The following STAB1 variants were observed in gnomAD, a reference collection of about 807,000 sequenced individuals.
STAB1 encodes the protein stabilin-1.
STAB1 carries 250 observed loss-of-function variants against 332.4 expected under a neutral mutation model. That is an observed-to-expected ratio of 0.75 (90% CI 0.68 to 0.84). The LOEUF is 0.84. Ranked by LOEUF, STAB1 falls within the 40% of genes least tolerant of loss-of-function variation. STAB1 has a pLI of 0.00. For synonymous variants in STAB1, 1,475 were observed against 1,390.4 expected (o/e 1.06, Z -1.35); for missense variants, 3,249 against 3,489.7 (o/e 0.93, Z 1.74).
intron 53 of STAB1, 21 bp downstream of exon 53, chr3:52,520,570 A>T (rs771129113): frequency 1.2e-6 from 2 of 1,610,710 alleles, no homozygotes; most frequent in East Asian, 4.5e-5. Flanking sequence ...CCAGAGGCAG[A>T]CGGGCAGAAG....
chr3:52,497,665 G>A (rs67749743), intron 1 of STAB1, among the ~76,000 whole-genome samples: 11,711 of 149,252 alleles, frequency 0.078, 554 homozygotes, highest in African/African-American at 0.12. Flanking sequence ...TACCCTCTTC[G>A]GCCTCCCAAA....
At chr3:52,521,227 C>A in intron 55 of STAB1, 134 bp from the exon 56 acceptor site, 1 of 1,326,476 alleles carries the variant, frequency 7.5e-7, no homozygotes, top group South Asian at 1.3e-5. Context: ...TTCTCCAGGA[C>A]ATGGGCCTGG....
At position 52,522,098 on chromosome 3, in the gene STAB1, A is replaced by G. The variant is rs2079092545; in HGVS notation, c.6333A>G (p.Val2111=). ...GCSEHANCSQ[V]GTMVTCTCLP... ...GTGAGCACGCCAACTGTAGCCAGGT[A>G]GGAACAATGGTCACTTGTACCTGCC... Residue 2111 remains valine (V), a synonymous_variant, in exon 59 of 69, where the codon GTA becomes GTG. Coordinates refer to ENST00000321725, the MANE Select transcript of STAB1 (RefSeq NM_015136.3). 1 of 1,613,140 alleles carries G rather than the reference A, an allele frequency of 6.2e-7. No individual in the cohort carries two copies. The highest frequency in any genetic ancestry group is 8.5e-7 in the Non-Finnish European group (1 of 1,179,998).
At chr3:52,498,718 C>T (rs778482162) in intron 1 of STAB1, among the ~76,000 whole-genome samples, 3 of 152,268 alleles carry the variant, frequency 2.0e-5, no homozygotes, top group African/African-American at 4.8e-5. Context: ...ATGGTGACCG[C>T]GCTGGCAGCT....
chr3:52,518,422 C>T, intron 46 of STAB1, 63 bp downstream of exon 46: 1 of 1,588,622 alleles, frequency 6.3e-7, no homozygotes, highest in Non-Finnish European at 8.6e-7. Context: ...CTTCTGTCCC[C>T]ATCTGGTCAG....
intron 17 of STAB1, among the ~76,000 whole-genome samples, 189 bp from the exon 18 acceptor site, chr3:52,506,503 A>G (rs1054994518): frequency 1.3e-5 from 2 of 152,254 alleles, no homozygotes; most frequent in African/African-American, 4.8e-5. Context: ...CATGTGGGTA[A>G]GGACCCGCAG....
chr3:52,502,324 C>T (rs1333847510), intron 5 of STAB1, 96 bp downstream of exon 5: 6 of 1,357,254 alleles, frequency 4.4e-6, no homozygotes, highest in Middle Eastern at 2.4e-4. Flanking sequence ...TCCCTTCAGC[C>T]TCTGTCCCAG....
rs369625860 is a variant in STAB1, at chr3:52,503,907, G to A, written c.1022+5G>A. ...GACCGCTGATGGGAAGACCAGGTGA[G>A]CACAGGTGCCTGGGAGCAGAGACAG... On this transcript the variant is annotated splice_donor_5th_base_variant and intron_variant, in intron 9 of 68. Coordinates refer to ENST00000321725, the MANE Select transcript of STAB1 (RefSeq NM_015136.3). The A allele has an allele frequency of 5.6e-6, 9 of 1,612,996 alleles. No individual in the cohort carries two copies. Among genetic ancestry groups the A allele is most frequent in the Non-Finnish European group, 7.6e-6 (9 of 1,179,986 alleles).
At chr3:52,513,272 AC>A in intron 30 of STAB1, 31 bp downstream of exon 30, 1 of 1,543,326 alleles carries the variant, frequency 6.5e-7, no homozygotes, top group Non-Finnish European at 8.7e-7. Flanking sequence ...AGAAAAGGGG[AC>A]CAGGTAGGGC....
At chr3:52,498,679 A>C (rs560893141) in intron 1 of STAB1, among the ~76,000 whole-genome samples, 2 of 152,120 alleles carry the variant, frequency 1.3e-5, no homozygotes, top group Non-Finnish European at 2.9e-5. Context: ...GCTGACCACC[A>C]TTCCTCCAAG....
intron 3 of STAB1, 44 bp from the exon 4 acceptor site, chr3:52,501,962 C>A (rs375294087): frequency 3.7e-6 from 6 of 1,605,766 alleles, no homozygotes; most frequent in South Asian, 2.2e-5. Flanking sequence ...TCAGGGTAAG[C>A]GGAGGGTTCT....
At chr3:52,509,522 G>A (rs1709136747) in intron 22 of STAB1, 2 of 592,046 alleles carry the variant, frequency 3.4e-6, no homozygotes, top group Non-Finnish European at 6.0e-6. Context: ...GAAGGCCAAG[G>A]GGAGTGGAGG....
At position 52,505,038 on chromosome 3, in the gene STAB1, G is replaced by A; in HGVS notation, c.1413G>A (p.Gln471=). ...ACAAGTACAAAGACCAGCCCCAGCA[G>A]ACGTTCAACATCTACAAGGCCAACA... ...YSYKYKDQPQ[Q]TFNIYKANNI... The change falls in exon 13 of 69, where the codon CAG becomes CAA. Residue 471 remains glutamine (Q), a synonymous_variant. Transcript: ENST00000321725. The A allele has an allele frequency of 1.9e-6, 3 of 1,613,868 alleles. No individual in the cohort carries two copies. Among genetic ancestry groups the A allele is most frequent in the East Asian group, 4.5e-5 (2 of 44,880 alleles).
Position 52,517,396 on chromosome 3 carries a change from C to A in STAB1, c.4563+3C>A. On this transcript the variant is annotated splice_donor_region_variant and intron_variant, in intron 43 of 68. Transcript: ENST00000321725. ...GCATCCCCACTGGCCCCCAGCAGGTCAGCATGGCAGGGTTGGACATGGGGC... is the reference window on the plus strand; with the variant it reads ...GCATCCCCACTGGCCCCCAGCAGGTAAGCATGGCAGGGTTGGACATGGGGC... 6.2e-7 allele frequency: 1 copy of A among 1,600,056 alleles called. No homozygotes were observed. The highest frequency in any genetic ancestry group is 8.5e-7 in the Non-Finnish European group (1 of 1,173,840).
rs184479300 is a variant in STAB1, at chr3:52,510,523, G to A, written c.2787+16G>A. On this transcript the variant is annotated intron_variant, in intron 25 of 68. Transcript: ENST00000321725. The stretch of plus-strand genomic sequence containing the variant: ...CCCCGGGCAGGTGAGGTGCAGCAGA[G>A]AAGGGGTGGGGGCCTTGGTTCTGGG... The A allele has an allele frequency of 3.2e-4, 520 of 1,609,026 alleles. 1 individual carries two copies. In the East Asian group the frequency reaches 7.7e-3, roughly 24 times the overall value.
chr3:52,498,229 G>A (rs1286242536), intron 1 of STAB1, among the ~76,000 whole-genome samples: 1 of 152,216 alleles, frequency 6.6e-6, no homozygotes, highest in Admixed American at 6.5e-5. Flanking sequence ...GCAGCTCTGT[G>A]GGAAGCAGAC....
rs1258468171 is a variant in STAB1, at chr3:52,511,710, C to T, written c.2848C>T (p.Pro950Ser). ...TGGCTACCAGTGCAGCCCCATCGAC[C>T]CCTGCCGGGCAGGCAATGGCGGCTG... ...GDGYQCSPID[P>S]CRAGNGGCHG... Residue 950 changes from proline (P) to serine (S), a missense_variant, in exon 26 of 69, where the codon CCC (proline) becomes TCC (serine). Coordinates refer to ENST00000321725, the MANE Select transcript of STAB1 (RefSeq NM_015136.3). 1 of 1,606,402 alleles carries T rather than the reference C, an allele frequency of 6.2e-7. No homozygotes were observed. The highest frequency in any genetic ancestry group is 8.5e-7 in the Non-Finnish European group (1 of 1,175,856).
In STAB1 at chr3:52,503,009, C is replaced by T; in HGVS notation, c.594C>T (p.Val198=). ...CTCCACTCTGCGCAGAGCTGCCCGT[C>T]TGCCAGGAGCTGCGCTGTCCCCAGA... is the stretch of plus-strand genomic sequence containing the variant. ...TGPHCDQELP[V]CQELRCPQNT... The change falls in exon 7 of 69, where the codon GTC becomes GTT. Residue 198 remains valine, a synonymous_variant. Transcript: ENST00000321725. 6.3e-7 allele frequency: 1 copy of T among 1,585,562 alleles called. No individual in the cohort carries two copies. The highest frequency in any genetic ancestry group is 1.3e-5 in the African/African-American group (1 of 74,570).
intron 37 of STAB1, 82 bp from the exon 38 acceptor site, chr3:52,515,961 G>T: frequency 1.4e-6 from 2 of 1,439,046 alleles, no homozygotes; most frequent in Non-Finnish European, 1.8e-6. Flanking sequence ...ATGGCTCTGT[G>T]GCCCCGAGAT....
Sources: allele counts gnomAD v4.1 joint callset (sites outside exome capture counted in the v4.1 genomes callset), GRCh38; gene constraint gnomAD v4.1.1; transcripts MANE v1.5; gene names NCBI Gene and HGNC (gene_info 2026-07-23, HGNC 2026-07-21).